QKI: variants seen among roughly 807,000 people sequenced by gnomAD.
QKI encodes KH domain-containing RNA-binding protein QKI.
Under a neutral mutation model 39.0 loss-of-function variants are expected in QKI, and 10 were observed. The ratio of observed to expected loss-of-function variants is 0.26; its 90% CI spans 0.16 to 0.43. The LOEUF (loss-of-function observed/expected upper bound fraction) is 0.43. Among genes scored for constraint, QKI ranks in the 20% least tolerant of loss-of-function variants. The pLI is 1.00. For synonymous variants in QKI, 204 were observed against 155.4 expected (o/e 1.31, Z -2.33); for missense variants, 218 against 428.0 (o/e 0.51, Z 4.33).
intron 3 of QKI, among the ~76,000 whole-genome samples, chr6:163,523,478 G>T (rs182320665): frequency 2.0e-5 from 3 of 152,260 alleles, no homozygotes; most frequent in Non-Finnish European, 2.9e-5. Flanking sequence ...ATATTTTAGG[G>T]AAGTGGTTTC....
intron 3 of QKI, among the ~76,000 whole-genome samples, chr6:163,506,551 G>A (rs1779105093): frequency 6.6e-6 from 1 of 152,074 alleles, no homozygotes; most frequent in East Asian, 1.9e-4. Flanking sequence ...ATTTTTCAAT[G>A]TATTTTCTAA....
At chr6:163,537,807 A>G (rs1406401385) in intron 4 of QKI, among the ~76,000 whole-genome samples, 2 of 152,056 alleles carry the variant, frequency 1.3e-5, no homozygotes, top group East Asian at 1.9e-4. Flanking sequence ...TCAGAACCCC[A>G]CAACTGGTAT....
intron 2 of QKI, among the ~76,000 whole-genome samples, chr6:163,474,274 ACACACTT>A (rs1162273917): frequency 1.2e-4 from 19 of 152,276 alleles, no homozygotes; most frequent in African/African-American, 4.6e-4. Context: ...GTCAAGGATG[ACACACTT>A]TTATTTGGCT....
At position 163,428,272 on chromosome 6, in the gene QKI, T is replaced by G. The variant is rs186698846; in HGVS notation, c.142+12937T>G. Among the ~76,000 whole-genome samples, 570 of 152,324 alleles carry G rather than the reference T, an allele frequency of 3.7e-3. 4 individuals carry two copies. Among genetic ancestry groups the G allele is most frequent in the South Asian group, 0.021 (103 of 4,824 alleles). ...AATGTAACTAGTTTAGTACATCAGATTGATTGCAGCTATTTTCTGAAATAG... is the reference window on the plus strand; with the variant it reads ...AATGTAACTAGTTTAGTACATCAGAGTGATTGCAGCTATTTTCTGAAATAG... On this transcript the variant is annotated intron_variant, in intron 1 of 7. Transcript: ENST00000361752.
At chr6:163,568,606 T>C in intron 7 of QKI, 2 of 977,130 alleles carry the variant, frequency 2.0e-6, no homozygotes, top group Non-Finnish European at 2.4e-6. Context: ...ATGATACTAC[T>C]GTTTTCTCTA....
chr6:163,420,216 GT>G (rs1338590733), intron 1 of QKI, among the ~76,000 whole-genome samples: 3 of 125,594 alleles, frequency 2.4e-5, no homozygotes, highest in Non-Finnish European at 5.1e-5. Context: ...GTTTGGTTTG[GT>G]TTTTATATCA....
At chr6:163,510,485 C>A (rs925707393) in intron 3 of QKI, among the ~76,000 whole-genome samples, 1 of 145,678 alleles carries the variant, frequency 6.9e-6, no homozygotes, top group Non-Finnish European at 1.5e-5. Flanking sequence ...TGCTTCAACT[C>A]GGGAGGTGTG....
At chr6:163,491,392 T>TATAC (rs993955890) in intron 3 of QKI, among the ~76,000 whole-genome samples, 3 of 152,162 alleles carry the variant, frequency 2.0e-5, no homozygotes, top group African/African-American at 7.2e-5. Context: ...AACTGTGACG[T>TATAC]GGTATGTTTG....
Position 163,562,072 on chromosome 6 carries a change from A to G in QKI, c.634+3A>G. 1 of 1,610,420 alleles carries G rather than the reference A, an allele frequency of 6.2e-7. No homozygotes were observed. Among genetic ancestry groups the G allele is most frequent in the Non-Finnish European group, 8.5e-7 (1 of 1,178,360 alleles). ...CAGAGATGCCAACATTAAATCACGTAAGAATGAGCTCTGAGGCCCAGGGTT... is the reference window on the plus strand; with the variant it reads ...CAGAGATGCCAACATTAAATCACGTGAGAATGAGCTCTGAGGCCCAGGGTT... On this transcript the variant is annotated splice_donor_region_variant and intron_variant, in intron 5 of 7. Transcript: ENST00000361752.
At chr6:163,511,984 AAG>A (rs1779511670) in intron 3 of QKI, among the ~76,000 whole-genome samples, 1 of 151,816 alleles carries the variant, frequency 6.6e-6, no homozygotes, top group South Asian at 2.1e-4. Context: ...ACGATAAAAA[AAG>A]AAGATACTGC....
intron 3 of QKI, among the ~76,000 whole-genome samples, chr6:163,533,924 A>G (rs11966710): frequency 0.028 from 4,237 of 152,318 alleles, 193 homozygotes; most frequent in African/African-American, 0.096. Flanking sequence ...GAATTGTTGC[A>G]GAAAGCAGTT....
intron 7 of QKI, 154 bp from the exon 8 acceptor site, chr6:163,570,540 C>CA (rs776249113): frequency 2.1e-4 from 210 of 979,982 alleles, no homozygotes; most frequent in Non-Finnish European, 2.5e-4. Context: ...TAGATGGTGT[C>CA]AATCAGTTTG....
chr6:163,485,079 A>G (rs556319337), intron 3 of QKI, among the ~76,000 whole-genome samples: 5 of 152,238 alleles, frequency 3.3e-5, no homozygotes, highest in African/African-American at 1.2e-4. Context: ...ATAAATCACA[A>G]TATCATACTA....
intron 6 of QKI, chr6:163,565,390 G>A: frequency 1.0e-6 from 1 of 986,050 alleles, no homozygotes; most frequent in Non-Finnish European, 1.2e-6. Context: ...TTCAGCGCAA[G>A]ATCTCCCTGA....
chr6:163,476,179 T>C (rs559050545), intron 2 of QKI, among the ~76,000 whole-genome samples: 1 of 151,984 alleles, frequency 6.6e-6, no homozygotes, highest in East Asian at 1.9e-4. Context: ...TGATAATAAA[T>C]ATTGGAGAGG....
At chr6:163,531,927 G>T (rs1780878564) in intron 3 of QKI, among the ~76,000 whole-genome samples, 1 of 152,218 alleles carries the variant, frequency 6.6e-6, no homozygotes, top group African/African-American at 2.4e-5. Flanking sequence ...TTTTAAAAGT[G>T]TAAGCAAAAA....
intron 1 of QKI, among the ~76,000 whole-genome samples, chr6:163,427,490 G>A (rs1037929551): frequency 6.6e-6 from 1 of 150,984 alleles, no homozygotes; most frequent in Non-Finnish European, 1.5e-5. Context: ...TTGGTGGGGG[G>A]GTCCTCATTC....
chr6:163,476,794 A>T (rs1792638909), intron 2 of QKI, among the ~76,000 whole-genome samples: 1 of 152,162 alleles, frequency 6.6e-6, no homozygotes, highest in Non-Finnish European at 1.5e-5. Context: ...CTTAATTAAG[A>T]GTAAGAGCCT....
intron 3 of QKI, among the ~76,000 whole-genome samples, chr6:163,502,350 A>G (rs1778825470): frequency 6.6e-6 from 1 of 152,118 alleles, no homozygotes; most frequent in African/African-American, 2.4e-5. Flanking sequence ...ACAAACAAAC[A>G]AAAATATATA....
Sources: gnomAD v4.1 joint callset for allele counts (sites outside exome capture counted in the v4.1 genomes callset) on GRCh38, gnomAD v4.1.1 for gene constraint, MANE v1.5 for transcripts, NCBI Gene and HGNC (gene_info 2026-07-23, HGNC 2026-07-21) for gene names.